SLC25A18: variants seen among roughly 807,000 people sequenced by gnomAD.
SLC25A18 encodes solute carrier family 25 member 18.
SLC25A18 carries 24 observed loss-of-function variants against 31.1 expected under a neutral mutation model. That is an observed-to-expected ratio of 0.77 (90% CI 0.56 to 1.08). The LOEUF (loss-of-function observed/expected upper bound fraction) is 1.08, where lower values mean the gene tolerates loss of function less well. SLC25A18 is among the 50% of genes least tolerant of loss of function. The pLI is 0.00. For missense variants in SLC25A18, 371 were observed against 418.5 expected, an observed-to-expected ratio of 0.89 and a Z score of 0.99; for synonymous variants, 173 against 161.9, an observed-to-expected ratio of 1.07 and a Z score of -0.52.
chr22:17,576,261 A>AGAAT (rs1232085676), intron 2 of SLC25A18, among the ~76,000 whole-genome samples: 2 of 152,038 alleles, frequency 1.3e-5, no homozygotes, highest in African/African-American at 4.8e-5. Context: ...CTGAGGCAGG[A>AGAAT]GAATAGCTTG....
At chr22:17,574,752 CCT>C in intron 2 of SLC25A18, among the ~76,000 whole-genome samples, 1 of 150,662 alleles carries the variant, frequency 6.6e-6, no homozygotes, top group Admixed American at 6.6e-5. Flanking sequence ...GAACTCCTGA[CCT>C]CCTGATCCAC....
At chr22:17,575,523 G>A (rs571178926) in intron 2 of SLC25A18, among the ~76,000 whole-genome samples, 1 of 152,104 alleles carries the variant, frequency 6.6e-6, no homozygotes, top group African/African-American at 2.4e-5. Flanking sequence ...AGTTTTATCT[G>A]TTACAGGTAA....
intron 4 of SLC25A18, 72 bp from the exon 5 acceptor site, chr22:17,581,286 C>T (rs1366727736): frequency 6.2e-7 from 1 of 1,602,630 alleles, no homozygotes; most frequent in Non-Finnish European, 8.5e-7. Context: ...GGGATGTGCC[C>T]GCGGGAGCAG....
chr22:17,584,399 A>AAAAGAAAGAAAGAAAGAAAGAAAG (rs1187381986), intron 7 of SLC25A18, among the ~76,000 whole-genome samples: 38 of 110,810 alleles, frequency 3.4e-4, no homozygotes, highest in African/African-American at 1.1e-3. Context: ...TCTCAAAAAG[A>AAAAGAAAGAAAGAAAGAAAGAAAG]AAAGAAAGAA....
intron 3 of SLC25A18, chr22:17,580,738 G>C: frequency 5.2e-6 from 6 of 1,154,158 alleles, no homozygotes; most frequent in Non-Finnish European, 6.4e-6. Context: ...GGCCGGGGAA[G>C]CTTGGGGCAG....
At chr22:17,568,387 A>T (rs1411247612) in intron 1 of SLC25A18, among the ~76,000 whole-genome samples, 1 of 149,650 alleles carries the variant, frequency 6.7e-6, no homozygotes, top group Non-Finnish European at 1.5e-5. Flanking sequence ...AAAAAGGCAG[A>T]TGAGAATAAA....
At chr22:17,578,800 T>A (rs1191445815) in intron 2 of SLC25A18, among the ~76,000 whole-genome samples, 1 of 152,186 alleles carries the variant, frequency 6.6e-6, no homozygotes, top group Non-Finnish European at 1.5e-5. Context: ...CTCCAGAGGC[T>A]AAGGCAGGAG....
chr22:17,570,124 G>T, intron 2 of SLC25A18, 138 bp downstream of exon 2: 1 of 563,682 alleles, frequency 1.8e-6, no homozygotes. Context: ...GAGTCAGAAG[G>T]GGTGGGCACG....
chr22:17,576,284 G>A (rs149813239), intron 2 of SLC25A18, among the ~76,000 whole-genome samples: 3 of 152,092 alleles, frequency 2.0e-5, no homozygotes, highest in Admixed American at 6.6e-5. Context: ...CCCAGGAGGC[G>A]GAGGTTACAC....
intron 2 of SLC25A18, among the ~76,000 whole-genome samples, chr22:17,574,525 T>A (rs866598184): frequency 1.8e-5 from 2 of 111,354 alleles, no homozygotes; most frequent in African/African-American, 2.7e-5. Flanking sequence ...TTTTTTTTAT[T>A]TTTTTTTTTG....
chr22:17,571,821 C>T (rs529427963), intron 2 of SLC25A18, among the ~76,000 whole-genome samples: 219 of 151,214 alleles, frequency 1.4e-3, no homozygotes, highest in African/African-American at 5.1e-3. Flanking sequence ...GAGTTTGAGA[C>T]CACCCTGGCC....
chr22:17,581,643 G>A (rs900090985), intron 5 of SLC25A18: 3 of 556,184 alleles, frequency 5.4e-6, no homozygotes, highest in Non-Finnish European at 9.6e-6. Context: ...GAGCAGGCGA[G>A]CCCTCCCTAC....
At chr22:17,573,642 C>G (rs1459157464) in intron 2 of SLC25A18, among the ~76,000 whole-genome samples, 1 of 152,148 alleles carries the variant, frequency 6.6e-6, no homozygotes, top group Non-Finnish European at 1.5e-5. Context: ...CGAAGCCCCA[C>G]TGACCCCATC....
At chr22:17,588,178 C>A in intron 9 of SLC25A18, 99 bp downstream of exon 9, 2 of 1,429,476 alleles carry the variant, frequency 1.4e-6, no homozygotes, top group Admixed American at 2.4e-5. Context: ...GGGTTGCAAT[C>A]TGGCTGCTGG....
intron 1 of SLC25A18, among the ~76,000 whole-genome samples, chr22:17,565,338 C>T (rs2056908649): frequency 1.3e-5 from 2 of 152,026 alleles, no homozygotes; most frequent in African/African-American, 4.8e-5. Flanking sequence ...ACCTCGGGCT[C>T]CCAAAGTGCT....
chr22:17,581,449 A>C (rs772730979), intron 5 of SLC25A18, 36 bp downstream of exon 5: 1 of 1,612,012 alleles, frequency 6.2e-7, no homozygotes, highest in African/African-American at 1.3e-5. Flanking sequence ...GCTGGGCAGC[A>C]GGTGTGAGCG....
chr22:17,564,499 C>T (rs1245150139), intron 1 of SLC25A18, among the ~76,000 whole-genome samples: 1 of 152,034 alleles, frequency 6.6e-6, no homozygotes, highest in South Asian at 2.1e-4. Flanking sequence ...TGAACATCTT[C>T]AAACCTGAGG....
At chr22:17,564,941 T>C (rs1179420141) in intron 1 of SLC25A18, among the ~76,000 whole-genome samples, 2 of 151,646 alleles carry the variant, frequency 1.3e-5, no homozygotes, top group African/African-American at 4.8e-5. Flanking sequence ...AGGTTGATGG[T>C]GTGCACCTGT....
intron 1 of SLC25A18, among the ~76,000 whole-genome samples, chr22:17,567,180 A>G (rs1344611425): frequency 6.6e-6 from 1 of 152,218 alleles, no homozygotes; most frequent in East Asian, 1.9e-4. Context: ...TGTATATTTT[A>G]CAAAGAATTA....
Sources: allele counts gnomAD v4.1 joint callset (sites outside exome capture counted in the v4.1 genomes callset), GRCh38; gene constraint gnomAD v4.1.1; transcripts MANE v1.5; gene names NCBI Gene and HGNC (gene_info 2026-07-23, HGNC 2026-07-21).